The following SEPTIN7 variants were observed in gnomAD, a reference collection of about 807,000 sequenced individuals.
The protein encoded by SEPTIN7 is septin-7.
SEPTIN7 carries 10 observed loss-of-function variants against 63.3 expected under a neutral mutation model. The observed-to-expected ratio is 0.16, with a 90% CI of 0.10 to 0.27. The LOEUF is 0.27. SEPTIN7 is among the 10% of genes least tolerant of loss of function. The pLI, the probability that SEPTIN7 is intolerant of heterozygous loss-of-function variation, is 1.00. For synonymous variants in SEPTIN7, 131 were observed against 165.3 expected (o/e 0.79, Z 1.59); for missense variants, 310 against 521.0 (o/e 0.59, Z 3.94).
At chr7:35,893,385 A>G (rs1350630344) in intron 11 of SEPTIN7, among the ~76,000 whole-genome samples, 1 of 152,176 alleles carries the variant, frequency 6.6e-6, no homozygotes, top group Non-Finnish European at 1.5e-5. Context: ...TGGTTTTAGA[A>G]TATAAGCTAA....
Position 35,905,302 on chromosome 7 carries a change from A to G in SEPTIN7, c.*1009A>G, listed in dbSNP as rs549090906. 2.6e-5 allele frequency: 4 copies of G among 152,628 alleles called. No individual in the cohort carries two copies. The highest frequency in any genetic ancestry group is 4.4e-5 in the Non-Finnish European group (3 of 68,034). 9.5% of individuals were successfully genotyped at this position (152,628 alleles called of 1,614,324 possible). A position where few individuals can be genotyped will look rare whatever the true frequency, so the allele number is the denominator to read the frequency against. The stretch of plus-strand genomic sequence containing the variant: ...AATTCACATAATAAACGATGTTGTG[A>G]TGTAATATTGTGTGAGGTCTTAAAT... On this transcript the variant is annotated 3_prime_UTR_variant, in exon 14 of 14. Transcript: ENST00000350320.
rs1784379922 is a variant in SEPTIN7 at position 35,840,974 on chromosome 7, T to G, written c.169+8074T>G. ...TATATTCATGTTTTGTTTGCTTAAT[T>G]CTTAATCTGAATTAATGGCTTAAAT... is the stretch of plus-strand genomic sequence containing the variant. On this transcript the variant is annotated intron_variant, in intron 3 of 13. Coordinates refer to ENST00000350320, the MANE Select transcript of SEPTIN7 (RefSeq NM_001788.6). Among the ~76,000 whole-genome samples, 3 of 152,248 alleles carry G rather than the reference T, an allele frequency of 2.0e-5. No homozygotes were observed. In the South Asian group the frequency reaches 6.2e-4, roughly 31 times the overall value.
chr7:35,853,319 G>A (rs561921922), intron 3 of SEPTIN7, among the ~76,000 whole-genome samples: 7 of 152,244 alleles, frequency 4.6e-5, no homozygotes, highest in Admixed American at 3.9e-4. Flanking sequence ...TCAGCTACTC[G>A]GGAGGCTGAG....
In SEPTIN7 at chr7:35,819,137, G is replaced by A. The variant is rs537270427; in HGVS notation, c.62-12355G>A. On this transcript the variant is annotated intron_variant, in intron 1 of 13. Transcript: ENST00000350320. ...ATTTAGCTGCATTCAATACATTTTG[G>A]TATGTTGTGTTTTTAGTTTCATTCA... Among the ~76,000 whole-genome samples the A allele has an allele frequency of 1.3e-4, 19 of 151,982 alleles. No homozygotes were observed. In the South Asian group the frequency reaches 3.5e-3, roughly 28 times the overall value.
rs548357037 is a variant in SEPTIN7, at chr7:35,821,122, T to C, written c.62-10370T>C. On this transcript the variant is annotated intron_variant, in intron 1 of 13. Coordinates refer to ENST00000350320, the MANE Select transcript of SEPTIN7 (RefSeq NM_001788.6). Reference sequence around the variant, plus strand: ...TTTTACTGTGATTGTGTGCTGATGGTTTTCAAGGCTACTGTAGAGGTAGAG... The same window carrying C: ...TTTTACTGTGATTGTGTGCTGATGGCTTTCAAGGCTACTGTAGAGGTAGAG... Among the ~76,000 whole-genome samples the C allele has an allele frequency of 3.3e-5, 5 of 152,264 alleles. No homozygotes were observed. In the South Asian group the frequency reaches 1.0e-3, roughly 32 times the overall value.
At chr7:35,833,002 G>T in intron 3 of SEPTIN7, 102 bp downstream of exon 3, 1 of 690,360 alleles carries the variant, frequency 1.4e-6, no homozygotes, top group Admixed American at 2.4e-5. Flanking sequence ...TATCTACAGT[G>T]ATCATATCTT....
intron 9 of SEPTIN7, among the ~76,000 whole-genome samples, chr7:35,885,612 A>G (rs1483971058): frequency 3.3e-5 from 5 of 152,144 alleles, no homozygotes; most frequent in African/African-American, 1.2e-4. Flanking sequence ...TTACATATCT[A>G]TTTCTGAGGA....
chr7:35,802,321 A>C (rs373911293), intron 1 of SEPTIN7: 35 of 309,696 alleles, frequency 1.1e-4, no homozygotes, highest in Middle Eastern at 4.3e-4. Flanking sequence ...CCATTTGCTG[A>C]GTTACTTTTG....
chr7:35,888,331 G>T (rs1156502077), intron 10 of SEPTIN7, among the ~76,000 whole-genome samples: 4 of 152,050 alleles, frequency 2.6e-5, no homozygotes, highest in Non-Finnish European at 4.4e-5. Flanking sequence ...TCGTATAGAA[G>T]ACTTTAGTGA....
At chr7:35,891,145 C>T (rs933489644) in intron 11 of SEPTIN7, among the ~76,000 whole-genome samples, 2 of 152,026 alleles carry the variant, frequency 1.3e-5, no homozygotes, top group African/African-American at 4.8e-5. Context: ...AAGTGACTAC[C>T]AAGTGTGTAG....
chr7:35,809,131 A>G (rs1421190941), intron 1 of SEPTIN7, among the ~76,000 whole-genome samples: 1 of 152,238 alleles, frequency 6.6e-6, no homozygotes, highest in Non-Finnish European at 1.5e-5. Flanking sequence ...TCACTTAACA[A>G]ATACACGTTT....
chr7:35,899,911 T>A (rs1323805129), intron 12 of SEPTIN7: 1 of 152,236 alleles, frequency 6.6e-6, no homozygotes, highest in Admixed American at 6.5e-5. Context: ...TATATATGGA[T>A]GACAGTAATA....
intron 3 of SEPTIN7, among the ~76,000 whole-genome samples, chr7:35,852,141 C>G (rs564743603): frequency 5.9e-5 from 9 of 152,112 alleles, no homozygotes; most frequent in Non-Finnish European, 1.3e-4. Context: ...ATTCAGGTGT[C>G]CACTGTGCCA....
rs1432078547 is a variant in SEPTIN7, at chr7:35,873,641, C to T, written c.378C>T (p.Cys126=). The change falls in exon 6 of 14, where the codon TGC becomes TGT. Residue 126 remains cysteine (C), a splice_region_variant and synonymous_variant. Coordinates refer to ENST00000350320, the MANE Select transcript of SEPTIN7 (RefSeq NM_001788.6). Reference sequence around the variant, plus strand: ...TGTTTTGTTTATTTGCGTTCTATAGCTGGCAGCCTGTTATCGACTACATTG... The same window carrying T: ...TGTTTTGTTTATTTGCGTTCTATAGTTGGCAGCCTGTTATCGACTACATTG... The part of the protein sequence containing the change: ...GFGDAVDNSN[C]WQPVIDYIDS... The T allele has an allele frequency of 1.2e-6, 2 of 1,607,860 alleles. No homozygotes were observed. The highest frequency in any genetic ancestry group is 1.7e-6 in the Non-Finnish European group (2 of 1,177,650).
At chr7:35,874,368 G>C (rs1177759285) in intron 6 of SEPTIN7, among the ~76,000 whole-genome samples, 1 of 152,048 alleles carries the variant, frequency 6.6e-6, no homozygotes, top group Non-Finnish European at 1.5e-5. Context: ...TGTTCTGTTT[G>C]TTATAGTTAG....
intron 7 of SEPTIN7, among the ~76,000 whole-genome samples, chr7:35,880,419 A>G (rs1786806290): frequency 1.3e-5 from 2 of 150,656 alleles, no homozygotes; most frequent in African/African-American, 4.9e-5. Flanking sequence ...TTATTTTGAA[A>G]ACTTTTTTGG....
chr7:35,858,979 C>T (rs920150374), intron 3 of SEPTIN7, among the ~76,000 whole-genome samples: 1 of 152,150 alleles, frequency 6.6e-6, no homozygotes, highest in African/African-American at 2.4e-5. Context: ...CACACCCTGC[C>T]GTTTCTATTC....
intron 6 of SEPTIN7, among the ~76,000 whole-genome samples, chr7:35,874,888 A>G (rs909791967): frequency 3.3e-5 from 5 of 152,206 alleles, no homozygotes; most frequent in African/African-American, 9.6e-5. Flanking sequence ...TCTCAAAAAT[A>G]CAACATATTA....
chr7:35,903,050 G>C (rs1165775478), intron 12 of SEPTIN7, 26 bp from the exon 13 acceptor site: 3 of 1,527,772 alleles, frequency 2.0e-6, no homozygotes, highest in Non-Finnish European at 2.6e-6. Flanking sequence ...AAATAGTTTT[G>C]TTTTATATAT....
Sources: gnomAD v4.1 joint callset for allele counts (sites outside exome capture counted in the v4.1 genomes callset) on GRCh38, gnomAD v4.1.1 for gene constraint, MANE v1.5 for transcripts, NCBI Gene and HGNC (gene_info 2026-07-23, HGNC 2026-07-21) for gene names.